The following PTCD2 variants were observed in gnomAD, a reference collection of about 807,000 sequenced individuals.
PTCD2 encodes the protein pentatricopeptide repeat-containing protein 2, mitochondrial.
A neutral mutation model predicts 42.6 loss-of-function variants in PTCD2; 31 were observed. The ratio of observed to expected loss-of-function variants is 0.73; its 90% CI spans 0.55 to 0.98. PTCD2 has a LOEUF of 0.98. Ranked by LOEUF, PTCD2 falls within the 50% of genes least tolerant of loss-of-function variation. The pLI is 0.00. For synonymous variants in PTCD2, 183 were observed against 170.9 expected (o/e 1.07, Z -0.55); for missense variants, 476 against 454.8 (o/e 1.05, Z -0.42).
chr5:72,339,284 C>T (rs1444012474), intron 7 of PTCD2, among the ~76,000 whole-genome samples: 3 of 152,200 alleles, frequency 2.0e-5, no homozygotes, highest in South Asian at 2.1e-4. Flanking sequence ...GAGCTGAAAC[C>T]CTGGAACACC....
Position 72,360,676 on chromosome 5 carries a change from T to C in PTCD2, c.*2249T>C, listed in dbSNP as rs1479602927. On this transcript the variant is annotated 3_prime_UTR_variant, in exon 10 of 10. Transcript: ENST00000380639. ...TTTGCCTACATCATTTACTTGTTTT[T>C]TTCTGCTTTGGGGTTTTTTTTTTTT... is the stretch of plus-strand genomic sequence containing the variant. The C allele has an allele frequency of 1.3e-5, 2 of 152,054 alleles. No individual in the cohort carries two copies. Among genetic ancestry groups the C allele is most frequent in the Admixed American group, 6.6e-5 (1 of 15,266 alleles). The allele number at this position is 152,054 out of a possible 1,614,324, so 9.4% of individuals were successfully genotyped here.
chr5:72,337,812 T>C (rs542402373), intron 6 of PTCD2, among the ~76,000 whole-genome samples: 2 of 152,120 alleles, frequency 1.3e-5, no homozygotes, highest in Non-Finnish European at 2.9e-5. Context: ...AATAAATAAA[T>C]AAATTCTATT....
chr5:72,354,787 T>C (rs1752795427), intron 9 of PTCD2, among the ~76,000 whole-genome samples: 1 of 152,230 alleles, frequency 6.6e-6, no homozygotes. Flanking sequence ...AGGCTATTTG[T>C]TGCAATCCAA....
chr5:72,326,073 A>G (rs1015429185), intron 2 of PTCD2, among the ~76,000 whole-genome samples: 13 of 152,212 alleles, frequency 8.5e-5, no homozygotes, highest in African/African-American at 3.1e-4. Context: ...AAAAGAGACC[A>G]AGAGGAATGA....
chr5:72,355,155 C>A (rs559725273), intron 9 of PTCD2, among the ~76,000 whole-genome samples: 1 of 152,036 alleles, frequency 6.6e-6, no homozygotes, highest in Non-Finnish European at 1.5e-5. Flanking sequence ...TTGTAACCTG[C>A]AGCTTTACTG....
intron 5 of PTCD2, 23 bp downstream of exon 5, chr5:72,335,119 G>A (rs942182480): frequency 7.4e-7 from 1 of 1,359,428 alleles, no homozygotes; most frequent in Admixed American, 1.8e-5. Flanking sequence ...ATTTCTATTT[G>A]CTGAAAAATT....
rs1751160597 is a variant in PTCD2, at chr5:72,326,730, T to A, written c.339T>A (p.Asn113Lys). The A allele has an allele frequency of 1.9e-6, 3 of 1,614,008 alleles. No homozygotes were observed. Among genetic ancestry groups the A allele is most frequent in the Non-Finnish European group, 1.7e-6 (2 of 1,179,910 alleles). Reference protein sequence around the residue: ...ESRDHVELAKNVIYRYHAENK... With the variant: ...ESRDHVELAKKVIYRYHAENK... Reference sequence around the variant, plus strand: ...GGGACCATGTGGAACTGGCTAAAAATGTCATTTACAGGTGAGGCATTTCCT... The same window carrying A: ...GGGACCATGTGGAACTGGCTAAAAAAGTCATTTACAGGTGAGGCATTTCCT... Residue 113 changes from asparagine (N) to lysine (K), a missense_variant, in exon 3 of 10, where the codon AAT (asparagine) becomes AAA (lysine). Transcript: ENST00000380639.
chr5:72,353,662 T>A (rs983623044), intron 9 of PTCD2, among the ~76,000 whole-genome samples: 1 of 152,148 alleles, frequency 6.6e-6, no homozygotes, highest in Non-Finnish European at 1.5e-5. Flanking sequence ...ATAGGGCAGC[T>A]AATGGGACAG....
intron 2 of PTCD2, among the ~76,000 whole-genome samples, chr5:72,326,246 G>C (rs1751130819): frequency 6.6e-6 from 1 of 152,130 alleles, no homozygotes; most frequent in African/African-American, 2.4e-5. Flanking sequence ...TTTTTCTCAT[G>C]AGTCACCTAG....
intron 3 of PTCD2, among the ~76,000 whole-genome samples, chr5:72,327,370 A>T (rs1214093451): frequency 6.6e-6 from 1 of 152,272 alleles, no homozygotes; most frequent in Non-Finnish European, 1.5e-5. Flanking sequence ...CCACTGGGAA[A>T]GCCAGCAAAG....
chr5:72,356,552 G>T (rs1448306226), intron 9 of PTCD2, among the ~76,000 whole-genome samples: 1 of 152,188 alleles, frequency 6.6e-6, no homozygotes, highest in Non-Finnish European at 1.5e-5. Flanking sequence ...TTTAAAAAGT[G>T]TTATGTAGGG....
At chr5:72,320,821 T>C in intron 1 of PTCD2, 1 of 300,690 alleles carries the variant, frequency 3.3e-6, no homozygotes, top group Non-Finnish European at 6.3e-6. Flanking sequence ...TTTATTTATT[T>C]TTGAGACGAA....
intron 4 of PTCD2, among the ~76,000 whole-genome samples, chr5:72,333,965 G>A (rs376633986): frequency 7.2e-5 from 11 of 151,982 alleles, no homozygotes; most frequent in African/African-American, 1.7e-4. Flanking sequence ...TCAAGTGATC[G>A]TCCTACCTCA....
chr5:72,322,515 G>A (rs1395623003), intron 2 of PTCD2, among the ~76,000 whole-genome samples: 1 of 152,140 alleles, frequency 6.6e-6, no homozygotes, highest in Non-Finnish European at 1.5e-5. Flanking sequence ...GCTGCGATTG[G>A]TCTTGTCTAA....
rs367673767 is a variant in PTCD2 at position 72,320,506 on chromosome 5, G to A, written c.124G>A (p.Gly42Arg). ...SGSVSCRCPL[G>R]AKRYLLTDNV... ...CTCTGTCAGCTGCCGCTGCCCTCTC[G>A]GAGGTATCCGCGGCTTTAGCCTAGG... The change falls in exon 1 of 10, where the codon GGA becomes AGA. Residue 42 changes from glycine to arginine, a missense_variant. Physicochemically the swap from Gly to Arg is moderately radical, Grantham distance 125. Coordinates refer to ENST00000380639, the MANE Select transcript of PTCD2 (RefSeq NM_024754.5). 3 of 1,613,844 alleles carry A rather than the reference G, an allele frequency of 1.9e-6. No individual in the cohort carries two copies. Among genetic ancestry groups the A allele is most frequent in the Admixed American group, 1.7e-5 (1 of 60,034 alleles).
Position 72,331,375 on chromosome 5 carries a change from G to A in PTCD2, c.468G>A (p.Gln156=). Residue 156 remains glutamine, a splice_region_variant and synonymous_variant, in exon 4 of 10, where the codon CAG becomes CAA. Transcript: ENST00000380639. ...CTGCAGTGGAGCTCATGAAAGACCA[G>A]GTTATTGTTTCCTAATTGTTTTCTC... is the stretch of plus-strand genomic sequence containing the variant. ...EESAVELMKD[Q]HLRGFFSDST... is the part of the protein sequence containing the mutation. 6.3e-7 allele frequency: 1 copy of A among 1,594,042 alleles called. No homozygotes were observed. Among genetic ancestry groups the A allele is most frequent in the Non-Finnish European group, 8.6e-7 (1 of 1,161,690 alleles).
chr5:72,333,037 A>T (rs1454217853), intron 4 of PTCD2, among the ~76,000 whole-genome samples: 2 of 152,116 alleles, frequency 1.3e-5, no homozygotes, highest in Non-Finnish European at 2.9e-5. Flanking sequence ...ATACATTGTG[A>T]TTCTAAAATA....
At chr5:72,324,405 C>T (rs1168359298) in intron 2 of PTCD2, among the ~76,000 whole-genome samples, 3 of 152,208 alleles carry the variant, frequency 2.0e-5, no homozygotes, top group South Asian at 2.1e-4. Flanking sequence ...TGATGGACTC[C>T]GCCCTTTCTA....
chr5:72,349,447 G>T (rs1156990464), intron 8 of PTCD2, among the ~76,000 whole-genome samples: 3 of 152,090 alleles, frequency 2.0e-5, no homozygotes, highest in Non-Finnish European at 4.4e-5. Context: ...AGGAGAGAAT[G>T]GATATTGGTT....
Sources: allele counts gnomAD v4.1 joint callset (sites outside exome capture counted in the v4.1 genomes callset), GRCh38; gene constraint gnomAD v4.1.1; transcripts MANE v1.5; gene names NCBI Gene and HGNC (gene_info 2026-07-23, HGNC 2026-07-21).